Variants in RALGAPA1 observed in about 807,000 individuals in gnomAD.
The protein encoded by RALGAPA1 is ral GTPase-activating protein subunit alpha-1.
In RALGAPA1, 52 loss-of-function variants were observed where a neutral mutation model predicts 269.6. The ratio of observed to expected loss-of-function variants is 0.19; its 90% confidence interval spans 0.15 to 0.24. The LOEUF is 0.24. Among genes scored for constraint, RALGAPA1 ranks in the 10% least tolerant of loss-of-function variants. The probability of loss-of-function intolerance (pLI) is 1.00; values close to 1 mark genes in which losing one functional copy is unlikely to be tolerated. For synonymous variants in RALGAPA1, 817 were observed against 1,008.3 expected, an observed-to-expected ratio of 0.81 and a Z score of 3.60; for missense variants, 1,917 against 3,013.9, an observed-to-expected ratio of 0.64 and a Z score of 8.52.
At chr14:35,592,880 A>G (rs189679703) in intron 37 of RALGAPA1, among the ~76,000 whole-genome samples, 10 of 152,264 alleles carry the variant, frequency 6.6e-5, no homozygotes, top group African/African-American at 2.4e-4. Context: ...CTTATGAAAA[A>G]CTCATCACTA....
chr14:35,566,352 G>A (rs2056704196), intron 39 of RALGAPA1, among the ~76,000 whole-genome samples: 1 of 152,046 alleles, frequency 6.6e-6, no homozygotes, highest in East Asian at 1.9e-4. Context: ...TAGATTCATG[G>A]TTTCAGAACA....
Position 35,689,030 on chromosome 14 carries a change from C to T in RALGAPA1, c.3381G>A (p.Arg1127=), listed in dbSNP as rs1567009677. 1.6e-6 allele frequency: 2 copies of T among 1,235,350 alleles called. No homozygotes were observed. The highest frequency in any genetic ancestry group is 4.1e-5 in the Admixed American group (1 of 24,392). The allele number at this position is 1,235,350 out of a possible 1,614,324, so 76.5% of individuals were successfully genotyped here. ...TSTSKLSPTK[R]SLSETVTHRA... is the part of the protein sequence containing the mutation. ...TATGAGTTACTGTTTCAGACAAGCT[C>T]CTTTTAGTTGGAGAAAGTTTGCTAG... The change falls in exon 18 of 42, where the codon AGG becomes AGA. Residue 1127 remains arginine (R), a synonymous_variant. Transcript: ENST00000680220.
At chr14:35,610,051 A>C (rs2059834574) in intron 35 of RALGAPA1, among the ~76,000 whole-genome samples, 1 of 151,940 alleles carries the variant, frequency 6.6e-6, no homozygotes, top group Admixed American at 6.6e-5. Flanking sequence ...AATAGAGAAA[A>C]AAATCAATGA....
rs1217155504 is a variant in RALGAPA1 at position 35,715,410 on chromosome 14, CT to C, written c.2266+6277del. 8.6e-5 allele frequency among the ~76,000 whole-genome samples: 13 copies of C among 151,880 alleles called. No individual in the cohort carries two copies. In the East Asian group the frequency reaches 2.3e-3, roughly 27 times the overall value. On this transcript the variant is annotated intron_variant, in intron 16 of 41. Coordinates refer to ENST00000680220, the MANE Select transcript of RALGAPA1 (RefSeq NM_001346249.2). ...GATTCTTTTTAATCATTTTAATGAG[CT>C]TATCATTTTCCTCTTCAAACATTTC...
At chr14:35,629,505 T>C (rs552621090) in intron 33 of RALGAPA1, among the ~76,000 whole-genome samples, 1 of 152,256 alleles carries the variant, frequency 6.6e-6, no homozygotes, top group Admixed American at 6.5e-5. Flanking sequence ...TATTTATTTA[T>C]TTATTTTTTT....
intron 16 of RALGAPA1, among the ~76,000 whole-genome samples, chr14:35,720,220 CT>C (rs569152419): frequency 3.4e-4 from 51 of 152,136 alleles, no homozygotes; most frequent in Admixed American, 3.2e-3. Context: ...TATATCTTGT[CT>C]TATTCTTCTA....
chr14:35,755,742 G>A (rs1356062771), intron 7 of RALGAPA1, among the ~76,000 whole-genome samples: 1 of 152,062 alleles, frequency 6.6e-6, no homozygotes, highest in East Asian at 1.9e-4. Context: ...AACACTAAGT[G>A]GTTATTAAGT....
At chr14:35,694,343 T>C (rs1426559588) in intron 17 of RALGAPA1, among the ~76,000 whole-genome samples, 1 of 152,162 alleles carries the variant, frequency 6.6e-6, no homozygotes, top group African/African-American at 2.4e-5. Flanking sequence ...TTGATGCCAT[T>C]TTGAAACTCA....
intron 27 of RALGAPA1, among the ~76,000 whole-genome samples, chr14:35,659,519 C>T (rs558652255): frequency 1.3e-5 from 2 of 152,030 alleles, no homozygotes; most frequent in African/African-American, 4.8e-5. Flanking sequence ...GATGGCTTCA[C>T]CAGTGAATTC....
chr14:35,612,521 GTCT>G lies in RALGAPA1; in HGVS notation c.6930-6815_6930-6813del, dbSNP rs566178373. On this transcript the variant is annotated intron_variant, in intron 35 of 41. Coordinates refer to ENST00000680220, the MANE Select transcript of RALGAPA1 (RefSeq NM_001346249.2). ...AACAAAGGATCTTACATTAGGCGAGGTCTTCTTCTTCTTCTTCTTCTTTTTTTT... is the reference window on the plus strand; with the variant it reads ...AACAAAGGATCTTACATTAGGCGAGGTCTTCTTCTTCTTCTTCTTTTTTTT... Among the ~76,000 whole-genome samples the G allele has an allele frequency of 5.6e-3, 829 of 148,568 alleles. 3 individuals carry two copies. The highest frequency in any genetic ancestry group is 0.031 in the East Asian group (158 of 5,028).
intron 41 of RALGAPA1, 115 bp from the exon 42 acceptor site, chr14:35,539,805 G>T: frequency 2.1e-6 from 3 of 1,458,834 alleles, no homozygotes; most frequent in East Asian, 2.3e-5. Context: ...GATCTTTCGA[G>T]GGAAAAAGCA....
intron 38 of RALGAPA1, among the ~76,000 whole-genome samples, chr14:35,571,739 T>A (rs1363509513): frequency 6.6e-6 from 1 of 152,104 alleles, no homozygotes; most frequent in Admixed American, 6.5e-5. Flanking sequence ...ACAAAATGTC[T>A]TTTTAAAAAT....
intron 35 of RALGAPA1, among the ~76,000 whole-genome samples, chr14:35,618,525 G>T (rs1033261770): frequency 2.0e-5 from 3 of 152,024 alleles, no homozygotes; most frequent in African/African-American, 7.2e-5. Flanking sequence ...TGATGAAACA[G>T]AAGAGTTGTT....
At chr14:35,802,610 T>TAGATTC (rs1327793091) in intron 1 of RALGAPA1, among the ~76,000 whole-genome samples, 1 of 151,024 alleles carries the variant, frequency 6.6e-6, no homozygotes, top group Non-Finnish European at 1.5e-5. Context: ...AATTGATCTA[T>TAGATTC]AGATTCAACA....
intron 33 of RALGAPA1, 63 bp downstream of exon 33, chr14:35,634,511 G>T: frequency 7.6e-7 from 1 of 1,313,706 alleles, no homozygotes; most frequent in Non-Finnish European, 1.0e-6. Flanking sequence ...TCCACCCATG[G>T]CCTCAAGTTA....
intron 31 of RALGAPA1, among the ~76,000 whole-genome samples, chr14:35,641,732 G>C (rs1331091932): frequency 6.6e-6 from 1 of 151,976 alleles, no homozygotes; most frequent in African/African-American, 2.4e-5. Context: ...ATTCTTTATA[G>C]AAACAGAACA....
At chr14:35,707,311 T>A (rs1443786344) in intron 16 of RALGAPA1, 2 of 152,238 alleles carry the variant, frequency 1.3e-5, no homozygotes, top group Admixed American at 6.5e-5. Context: ...TCTCAATCTG[T>A]AGACCTTTTA....
At position 35,623,082 on chromosome 14, in the gene RALGAPA1, CA is replaced by C. The variant is rs71445949; in HGVS notation, c.6929+2278del. 5.1e-3 allele frequency among the ~76,000 whole-genome samples: 462 copies of C among 89,890 alleles called. 3 individuals are homozygous for C. The highest frequency in any genetic ancestry group is 0.013 in the Middle Eastern group (2 of 160). 59.0% of individuals were successfully genotyped at this position (89,890 alleles called of 152,430 possible). On this transcript the variant is annotated intron_variant, in intron 35 of 41. Transcript: ENST00000680220. ...TGGGCAACAGAGGAAGACTCTGTCT[CA>C]AAAAAAAAAAAAAAAAAATCTAGAG...
chr14:35,753,797 C>T (rs1364578114), intron 7 of RALGAPA1, among the ~76,000 whole-genome samples: 1 of 152,126 alleles, frequency 6.6e-6, no homozygotes, highest in Non-Finnish European at 1.5e-5. Context: ...TTAAAACACA[C>T]TGAACTGTAC....
Sources: allele counts gnomAD v4.1 joint callset (sites outside exome capture counted in the v4.1 genomes callset), GRCh38; gene constraint gnomAD v4.1.1; transcripts MANE v1.5; gene names NCBI Gene and HGNC (gene_info 2026-07-23, HGNC 2026-07-21).